COG3: variants seen among roughly 807,000 people sequenced by gnomAD.
The protein encoded by COG3 is component of oligomeric golgi complex 3, also known as conserved oligomeric Golgi complex subunit 3.
COG3 carries 32 observed loss-of-function variants against 114.1 expected under a neutral mutation model. The observed-to-expected ratio is 0.28, with a 90% confidence interval of 0.21 to 0.38. The LOEUF (loss-of-function observed/expected upper bound fraction) is 0.38, where lower values mean the gene tolerates loss of function less well. Among genes scored for constraint, COG3 ranks in the 10% least tolerant of loss-of-function variants. COG3 has a pLI of 1.00. For missense variants in COG3, 813 were observed against 973.2 expected (o/e 0.84, Z 2.19); for synonymous variants, 352 against 365.7 (o/e 0.96, Z 0.43).
At chr13:45,481,887 G>T (rs1334664457) in intron 5 of COG3, among the ~76,000 whole-genome samples, 1 of 152,118 alleles carries the variant, frequency 6.6e-6, no homozygotes, top group African/African-American at 2.4e-5. Context: ...ACAATGGAAT[G>T]CAATGGAAAG....
intron 13 of COG3, among the ~76,000 whole-genome samples, chr13:45,498,148 T>G (rs1357356334): frequency 1.3e-5 from 2 of 151,174 alleles, no homozygotes; most frequent in African/African-American, 2.4e-5. Context: ...CTTTATCTCT[T>G]TGTGTGTGTG....
intron 20 of COG3, among the ~76,000 whole-genome samples, chr13:45,528,979 G>A (rs1357320560): frequency 2.0e-5 from 3 of 152,162 alleles, no homozygotes. Flanking sequence ...TTTTTCCAAA[G>A]AGATGAACCA....
intron 19 of COG3, among the ~76,000 whole-genome samples, chr13:45,522,819 C>T (rs1233205557): frequency 5.3e-5 from 8 of 152,098 alleles, no homozygotes; most frequent in Admixed American, 4.6e-4. Context: ...ACTTTTTTAT[C>T]GTTCTAGAAT....
At chr13:45,533,157 G>A (rs150996578) in intron 22 of COG3, among the ~76,000 whole-genome samples, 36 of 152,000 alleles carry the variant, frequency 2.4e-4, no homozygotes, top group Non-Finnish European at 4.6e-4. Context: ...CGAGAGGGAG[G>A]AGACAGGCTC....
intron 1 of COG3, among the ~76,000 whole-genome samples, chr13:45,474,581 T>C (rs1257090437): frequency 1.3e-5 from 2 of 152,192 alleles, no homozygotes; most frequent in African/African-American, 4.8e-5. Flanking sequence ...AGCTTATGAA[T>C]GAACAGGAGC....
intron 14 of COG3, among the ~76,000 whole-genome samples, chr13:45,504,955 G>A (rs954830219): frequency 4.7e-4 from 72 of 152,228 alleles, no homozygotes; most frequent in African/African-American, 1.7e-3. Context: ...GGGAGGCTGA[G>A]GTGGGCGGAT....
At chr13:45,481,346 G>A (rs1267984316) in intron 5 of COG3, 42 bp downstream of exon 5, 3 of 1,143,954 alleles carry the variant, frequency 2.6e-6, no homozygotes, top group East Asian at 2.5e-5. Flanking sequence ...AGTGATTTTT[G>A]TTTTATTTTT....
At chr13:45,475,280 C>G (rs913370008) in intron 1 of COG3, among the ~76,000 whole-genome samples, 22 of 152,244 alleles carry the variant, frequency 1.4e-4, no homozygotes, top group African/African-American at 3.6e-4. Flanking sequence ...TCACTGCAAC[C>G]TCCACCTCCT....
chr13:45,514,553 T>G (rs568519833), intron 16 of COG3, among the ~76,000 whole-genome samples: 126 of 152,364 alleles, frequency 8.3e-4, no homozygotes, highest in Non-Finnish European at 1.6e-3. Context: ...TATCTAATTC[T>G]GTTTCCTACA....
At chr13:45,497,937 A>G (rs1869024986) in intron 13 of COG3, among the ~76,000 whole-genome samples, 1 of 152,216 alleles carries the variant, frequency 6.6e-6, no homozygotes, top group Non-Finnish European at 1.5e-5. Flanking sequence ...TATCAAGTCA[A>G]GAGGTTAAAT....
chr13:45,509,824 T>G lies in COG3; in HGVS notation c.1719+8T>G. On this transcript the variant is annotated splice_region_variant and intron_variant, in intron 15 of 22. Transcript: ENST00000349995. ...TTATACAGATGCATAGATGTACGTG[T>G]ATCTTTACTGTGAATTGCTCGTTCT... The G allele has an allele frequency of 6.3e-7, 1 of 1,591,492 alleles. No individual in the cohort carries two copies. The highest frequency in any genetic ancestry group is 8.6e-7 in the Non-Finnish European group (1 of 1,164,480).
intron 5 of COG3, among the ~76,000 whole-genome samples, chr13:45,482,020 A>G (rs892389773): frequency 1.3e-5 from 2 of 152,160 alleles, no homozygotes; most frequent in Non-Finnish European, 2.9e-5. Flanking sequence ...CTTCAGAAAA[A>G]TCACCACTGC....
At chr13:45,497,389 C>T (rs904123341) in intron 13 of COG3, among the ~76,000 whole-genome samples, 4 of 152,158 alleles carry the variant, frequency 2.6e-5, no homozygotes, top group Non-Finnish European at 5.9e-5. Context: ...ATGATGAACT[C>T]TTAGGTACCA....
chr13:45,532,880 T>C (rs752573921), intron 22 of COG3, among the ~76,000 whole-genome samples: 49 of 151,034 alleles, frequency 3.2e-4, no homozygotes, highest in Non-Finnish European at 5.8e-4. Flanking sequence ...GGGTAACTTG[T>C]TTTTTTTTAA....
intron 13 of COG3, among the ~76,000 whole-genome samples, chr13:45,502,214 C>G (rs1006957814): frequency 6.6e-6 from 1 of 152,134 alleles, no homozygotes; most frequent in Non-Finnish European, 1.5e-5. Flanking sequence ...ATGGTGCTCC[C>G]TCCTTTTCCT....
chr13:45,501,336 T>C (rs1869507308), intron 13 of COG3, among the ~76,000 whole-genome samples: 1 of 152,184 alleles, frequency 6.6e-6, no homozygotes, highest in South Asian at 2.1e-4. Flanking sequence ...GGACTTGGTC[T>C]CTTTTTCCAA....
intron 19 of COG3, among the ~76,000 whole-genome samples, chr13:45,521,512 T>C (rs1872130044): frequency 6.6e-6 from 1 of 152,080 alleles, no homozygotes; most frequent in African/African-American, 2.4e-5. Flanking sequence ...TATGGTGTCA[T>C]ATTCCAGATT....
chr13:45,479,661 AAAT>A (rs1232275836), intron 3 of COG3, among the ~76,000 whole-genome samples: 3 of 152,206 alleles, frequency 2.0e-5, no homozygotes, highest in African/African-American at 4.8e-5. Flanking sequence ...TGAGGCCTGG[AAAT>A]AATAAGTTAC....
intron 3 of COG3, among the ~76,000 whole-genome samples, chr13:45,479,458 C>T (rs1359545): frequency 0.9 from 136,181 of 152,090 alleles, 61,083 homozygotes; most frequent in African/African-American, 0.93. Context: ...TCAGTGGATG[C>T]TGACAGCATG....
Sources: allele counts gnomAD v4.1 joint callset (sites outside exome capture counted in the v4.1 genomes callset), GRCh38; gene constraint gnomAD v4.1.1; transcripts MANE v1.5; gene names NCBI Gene and HGNC (gene_info 2026-07-23, HGNC 2026-07-21).